NFYC: variants seen among roughly 807,000 people sequenced by gnomAD.
NFYC encodes the protein CAAT box DNA-binding protein subunit C.
Under a neutral mutation model 53.1 loss-of-function variants are expected in NFYC, and 25 were observed. The ratio of observed to expected loss-of-function variants is 0.47; its 90% CI spans 0.34 to 0.66. The LOEUF (loss-of-function observed/expected upper bound fraction) is 0.66. Among genes scored for constraint, NFYC ranks in the 30% least tolerant of loss-of-function variants. The pLI is 0.01. For synonymous variants in NFYC, 145 were observed against 152.6 expected (o/e 0.95, Z 0.37); for missense variants, 260 against 422.7 (o/e 0.62, Z 3.38).
intron 1 of NFYC, chr1:40,712,708 A>G (rs1643977256): frequency 1.7e-5 from 2 of 120,448 alleles, no homozygotes; most frequent in Non-Finnish European, 3.2e-5. Flanking sequence ...CTCTGTTGCC[A>G]AGGCTGGTGT....
At chr1:40,748,755 A>G (rs1372166952) in intron 3 of NFYC, among the ~76,000 whole-genome samples, 1 of 152,206 alleles carries the variant, frequency 6.6e-6, no homozygotes, top group East Asian at 1.9e-4. Context: ...AAAGCTAACA[A>G]TTGATAGTAA....
At chr1:40,734,437 A>G (rs1348335998) in intron 1 of NFYC, among the ~76,000 whole-genome samples, 3 of 151,846 alleles carry the variant, frequency 2.0e-5, no homozygotes, top group African/African-American at 7.3e-5. Context: ...ACCTCGGCTC[A>G]CTGCAACCTC....
intron 1 of NFYC, among the ~76,000 whole-genome samples, chr1:40,710,120 C>G (rs1343322972): frequency 6.6e-6 from 1 of 152,226 alleles, no homozygotes; most frequent in Non-Finnish European, 1.5e-5. Context: ...TTTCCCATAA[C>G]TTTCTTGATT....
At chr1:40,722,664 T>C (rs1644368579) in intron 1 of NFYC, among the ~76,000 whole-genome samples, 1 of 152,256 alleles carries the variant, frequency 6.6e-6, no homozygotes, top group South Asian at 2.1e-4. Flanking sequence ...TTTTACCATT[T>C]GTGTGTTTCA....
chr1:40,716,965 G>A (rs1168677057), intron 1 of NFYC, among the ~76,000 whole-genome samples: 1 of 152,106 alleles, frequency 6.6e-6, no homozygotes, highest in East Asian at 1.9e-4. Flanking sequence ...AGCAAGTTTG[G>A]GGGGAAAAGA....
chr1:40,745,211 C>CT (rs1300358033), intron 2 of NFYC, among the ~76,000 whole-genome samples: 2 of 152,162 alleles, frequency 1.3e-5, no homozygotes, highest in South Asian at 2.1e-4. Flanking sequence ...GGAAAGAGGT[C>CT]TTTTTTATCA....
intron 2 of NFYC, among the ~76,000 whole-genome samples, chr1:40,741,775 G>GT (rs1326822964): frequency 6.6e-6 from 1 of 151,876 alleles, no homozygotes; most frequent in East Asian, 1.9e-4. Context: ...GCTAATTTTT[G>GT]TATTTTTCTG....
At chr1:40,749,422 T>C in intron 3 of NFYC, 151 bp from the exon 4 acceptor site, 2 of 631,874 alleles carry the variant, frequency 3.2e-6, no homozygotes, top group East Asian at 5.4e-5. Flanking sequence ...TTGTTCCCAC[T>C]CATGGATTTA....
intron 1 of NFYC, among the ~76,000 whole-genome samples, chr1:40,714,027 T>G (rs1202625653): frequency 1.3e-5 from 2 of 152,196 alleles, no homozygotes; most frequent in Non-Finnish European, 2.9e-5. Flanking sequence ...AAGCTAATGG[T>G]GTTCACCTGT....
intron 8 of NFYC, chr1:40,767,162 G>A (rs556176072): frequency 1.1e-4 from 64 of 600,812 alleles, no homozygotes; most frequent in African/African-American, 9.2e-4. Context: ...CTCTCCTCTC[G>A]TGCCCTACAA....
In NFYC at chr1:40,757,993, C is replaced by T. The variant is rs1456730117; in HGVS notation, c.388-128C>T. The T allele has an allele frequency of 4.0e-6, 4 of 988,416 alleles. No individual in the cohort carries two copies. In the African/African-American group the frequency reaches 4.9e-5, roughly 12 times the overall value. 61.2% of individuals were successfully genotyped at this position (988,416 alleles called of 1,614,324 possible). On this transcript the variant is annotated intron_variant, in intron 5 of 9. Coordinates refer to ENST00000447388, the MANE Select transcript of NFYC (RefSeq NM_014223.5). ...TTTGAATTCCACTTTCCTTTGGCTT[C>T]AAATGTGGAGAGCTCAGCATTCAGC...
intron 5 of NFYC, chr1:40,757,190 C>G (rs1646272240): frequency 7.6e-6 from 2 of 264,646 alleles, no homozygotes; most frequent in Non-Finnish European, 1.7e-5. Context: ...TTGTCCCAGG[C>G]AGGGGCACCA....
At chr1:40,693,672 C>CA (rs1284144288) in intron 1 of NFYC, among the ~76,000 whole-genome samples, 1 of 152,164 alleles carries the variant, frequency 6.6e-6, no homozygotes, top group Non-Finnish European at 1.5e-5. Context: ...TGTCTGGTGT[C>CA]ACTCAGTAAG....
At chr1:40,752,174 C>G (rs996416516) in intron 4 of NFYC, among the ~76,000 whole-genome samples, 8 of 152,178 alleles carry the variant, frequency 5.3e-5, no homozygotes, top group Middle Eastern at 3.2e-3. Flanking sequence ...TACTTACAAC[C>G]TAGATTCTAC....
chr1:40,762,742 T>A, intron 6 of NFYC, 146 bp from the exon 7 acceptor site: 1 of 670,576 alleles, frequency 1.5e-6, no homozygotes, highest in Admixed American at 3.2e-5. Flanking sequence ...CCCAGAGGAC[T>A]CTGTAGGTTA....
At chr1:40,695,604 AG>A (rs1250213479) in intron 1 of NFYC, 2 of 152,116 alleles carry the variant, frequency 1.3e-5, no homozygotes, top group African/African-American at 2.4e-5. Context: ...TATTTTTAGT[AG>A]ACACGGGCTT....
At chr1:40,759,806 A>G (rs1433067027) in intron 6 of NFYC, among the ~76,000 whole-genome samples, 1 of 152,162 alleles carries the variant, frequency 6.6e-6, no homozygotes, top group Admixed American at 6.5e-5. Context: ...GAGAAACAGT[A>G]CAGGGGGCCG....
At chr1:40,715,699 T>C (rs796576281) in intron 1 of NFYC, among the ~76,000 whole-genome samples, 4 of 152,338 alleles carry the variant, frequency 2.6e-5, no homozygotes, top group African/African-American at 7.2e-5. Flanking sequence ...CAAAAGTTTT[T>C]CTCTACTTAT....
intron 7 of NFYC, among the ~76,000 whole-genome samples, chr1:40,764,646 C>A (rs189102722): frequency 6.6e-6 from 1 of 152,206 alleles, no homozygotes; most frequent in African/African-American, 2.4e-5. Flanking sequence ...GGCTCAGGCA[C>A]CTTCTGTAGG....
Sources: allele counts gnomAD v4.1 joint callset (sites outside exome capture counted in the v4.1 genomes callset), GRCh38; gene constraint gnomAD v4.1.1; transcripts MANE v1.5; gene names NCBI Gene and HGNC (gene_info 2026-07-23, HGNC 2026-07-21).